Variants in TG observed in about 807,000 individuals in gnomAD.
TG encodes the protein thyroid hormones.
Under a neutral mutation model 324.7 loss-of-function variants are expected in TG, and 270 were observed. The ratio of observed to expected loss-of-function variants is 0.83; its 90% CI spans 0.75 to 0.92. TG has a LOEUF of 0.92. Ranked by LOEUF, TG falls within the 40% of genes least tolerant of loss-of-function variation. TG has a pLI of 0.00. For missense variants in TG, 3,591 were observed against 3,456.4 expected (o/e 1.04, Z -0.98); for synonymous variants, 1,401 against 1,327.0 (o/e 1.06, Z -1.21).
intron 23 of TG, among the ~76,000 whole-genome samples, 153 bp from the exon 24 acceptor site, chr8:132,933,408 G>A (rs1823073889): frequency 4.6e-4 from 1 of 2,162 alleles, no homozygotes; most frequent in Non-Finnish European, 9.8e-4. Context: ...TTGGAGGGGG[G>A]TGTGTGTATT....
chr8:133,035,563 T>G (rs893164837), intron 41 of TG, among the ~76,000 whole-genome samples: 3 of 152,252 alleles, frequency 2.0e-5, no homozygotes, highest in Non-Finnish European at 4.4e-5. Context: ...AATAAAATTA[T>G]TGACTTATCT....
At chr8:133,029,777 G>A in intron 40 of TG, 44 bp from the exon 41 acceptor site, 1 of 1,612,482 alleles carries the variant, frequency 6.2e-7, no homozygotes, top group Non-Finnish European at 8.5e-7. Context: ...CAAATCCAAG[G>A]TTGTAAAGTC....
At chr8:132,979,464 G>T (rs1443951728) in intron 34 of TG, among the ~76,000 whole-genome samples, 1 of 152,166 alleles carries the variant, frequency 6.6e-6, no homozygotes, top group Non-Finnish European at 1.5e-5. Context: ...ATGTGTCTCT[G>T]CAACCCACAT....
intron 45 of TG, among the ~76,000 whole-genome samples, chr8:133,124,840 A>ACTGTGCATT (rs1480971062): frequency 6.3e-4 from 96 of 152,326 alleles, no homozygotes; most frequent in African/African-American, 2.3e-3. Flanking sequence ...TCTAGACACT[A>ACTGTGCATT]CTGTGCATTC....
chr8:133,099,271 C>T (rs1033929495), intron 43 of TG, among the ~76,000 whole-genome samples: 1 of 152,192 alleles, frequency 6.6e-6, no homozygotes, highest in African/African-American at 2.4e-5. Flanking sequence ...TTGGTTAGAC[C>T]GTTCGTTTCT....
At chr8:132,867,977 T>C (rs1839124751) in intron 1 of TG, 138 bp from the exon 2 acceptor site, 3 of 748,858 alleles carry the variant, frequency 4.0e-6, no homozygotes, top group Non-Finnish European at 4.7e-6. Context: ...GAAAGTGTGC[T>C]TAGCTGCCAA....
At chr8:133,071,659 G>A (rs538215544) in intron 41 of TG, among the ~76,000 whole-genome samples, 2 of 152,116 alleles carry the variant, frequency 1.3e-5, no homozygotes, top group Admixed American at 6.5e-5. Context: ...GGAGTGGGGG[G>A]AGGAGGCGCA....
chr8:132,917,878 C>T (rs982632591), intron 20 of TG, among the ~76,000 whole-genome samples: 7 of 116,980 alleles, frequency 6.0e-5, no homozygotes, highest in African/African-American at 1.9e-4. Context: ...AAAGTAATTA[C>T]GGTTTTTGCA....
At chr8:132,922,778 C>T (rs1302361399) in intron 21 of TG, among the ~76,000 whole-genome samples, 1 of 152,204 alleles carries the variant, frequency 6.6e-6, no homozygotes, top group East Asian at 1.9e-4. Flanking sequence ...AAATGAGCCC[C>T]CTTGGGCCTC....
At chr8:132,883,054 G>A (rs1422855263) in intron 8 of TG, 55 bp downstream of exon 8, 26 of 1,581,536 alleles carry the variant, frequency 1.6e-5, no homozygotes, top group Non-Finnish European at 2.2e-5. Context: ...TACTTTGGCG[G>A]TCCTCCAGAC....
chr8:132,886,662 C>A lies in TG; in HGVS notation c.1290C>A (p.Ser430Arg), dbSNP rs1815466663. Residue 430 changes from serine to arginine, a missense_variant, in exon 9 of 48, where the codon AGC (serine) becomes AGA (arginine). Ser to Arg is a moderately radical substitution (Grantham distance 110, BLOSUM62 -1). Transcript: ENST00000220616. ...GLLRPMVEGQ[S>R]QQFSVSENLL... ...TCCGCCCAATGGTGGAGGGACAGAG[C>A]CAACAGTTTTCTGTCTCAGAAAATC... 1 of 1,614,062 alleles carries A rather than the reference C, an allele frequency of 6.2e-7. No homozygotes were observed. The highest frequency in any genetic ancestry group is 1.3e-5 in the African/African-American group (1 of 74,942).
chr8:132,881,963 G>C lies in TG; in HGVS notation c.739G>C (p.Glu247Gln). The C allele has an allele frequency of 6.2e-7, 1 of 1,609,866 alleles. No homozygotes were observed. Residue 247 changes from glutamate (E) to glutamine (Q), a missense_variant, in exon 6 of 48, where the codon GAG becomes CAG. Physicochemically the swap from Glu to Gln is conservative, Grantham distance 29 (BLOSUM62 2). Transcript: ENST00000220616. ...TGACAGCCAAGGGCGGGAACTGGCT[G>C]AGACAGGTGAGTGATACCCCTCAGG... is the stretch of plus-strand genomic sequence containing the variant. ...CADSQGRELA[E>Q]TGLELLLDEI...
chr8:133,112,438 T>G (rs11774274), intron 43 of TG, among the ~76,000 whole-genome samples: 24,375 of 152,078 alleles, frequency 0.16, 2,431 homozygotes, highest in Non-Finnish European at 0.21. Flanking sequence ...AGGAGGAAAC[T>G]GGGTCCTGGG....
Position 132,882,257 on chromosome 8 carries a change from C to T in TG, c.746-212C>T, listed in dbSNP as rs180217. Among the ~76,000 whole-genome samples the T allele has an allele frequency of 0.53, 80,472 of 152,168 alleles. 21,396 individuals carry two copies. Among genetic ancestry groups the T allele is most frequent in the East Asian group, 0.58 (3,015 of 5,180 alleles). On this transcript the variant is annotated intron_variant, in intron 6 of 47. Transcript: ENST00000220616. ...GTGGAGCACAGGATGGATTTAATCT[C>T]TTATTCTATAAGCACTGCTCCTTTG...
intron 7 of TG, 86 bp downstream of exon 7, chr8:132,882,698 C>T: frequency 1.2e-6 from 2 of 1,611,752 alleles, no homozygotes; most frequent in Non-Finnish European, 1.7e-6. Context: ...TGTGTGGCTG[C>T]TCCACCAAAG....
chr8:132,902,274 T>C (rs1818032893), intron 16 of TG, among the ~76,000 whole-genome samples: 1 of 152,200 alleles, frequency 6.6e-6, no homozygotes, highest in African/African-American at 2.4e-5. Context: ...GCCTTTCTTT[T>C]GATGTTCTTA....
intron 43 of TG, among the ~76,000 whole-genome samples, chr8:133,100,944 A>C (rs2131683679): frequency 6.7e-6 from 1 of 149,112 alleles, no homozygotes; most frequent in South Asian, 2.1e-4. Context: ...GGGAACCATG[A>C]ACCAGTATTT....
At chr8:133,120,731 C>G (rs1191825864) in intron 45 of TG, among the ~76,000 whole-genome samples, 1 of 152,232 alleles carries the variant, frequency 6.6e-6, no homozygotes, top group Non-Finnish European at 1.5e-5. Flanking sequence ...AAGATTCTAT[C>G]TCTAAATAAG....
intron 24 of TG, among the ~76,000 whole-genome samples, chr8:132,934,218 C>T (rs995986706): frequency 6.6e-6 from 1 of 151,940 alleles, no homozygotes; most frequent in Admixed American, 6.6e-5. Flanking sequence ...ACCTGTAATC[C>T]CAGCTACTGG....
Sources: allele counts gnomAD v4.1 joint callset (sites outside exome capture counted in the v4.1 genomes callset), GRCh38; gene constraint gnomAD v4.1.1; transcripts MANE v1.5; gene names NCBI Gene and HGNC (gene_info 2026-07-23, HGNC 2026-07-21).